Variants in TMEM132D observed in about 807,000 individuals in gnomAD.
TMEM132D encodes the protein mature OL transmembrane protein.
In TMEM132D, 21 loss-of-function variants were observed where a neutral mutation model predicts 62.3. That is an observed-to-expected ratio of 0.34 (90% CI 0.24 to 0.49). The LOEUF (loss-of-function observed/expected upper bound fraction) is 0.49, where lower values mean the gene tolerates loss of function less well. TMEM132D is among the 20% of genes least tolerant of loss of function. The pLI, the probability that TMEM132D is intolerant of heterozygous loss-of-function variation, is 0.99. For missense variants in TMEM132D, 1,346 were observed against 1,402.8 expected (o/e 0.96, Z 0.65); for synonymous variants, 621 against 575.6 (o/e 1.08, Z -1.13).
rs1296010697 is a variant in TMEM132D at position 129,531,136 on chromosome 12, C to T, written c.1038G>A (p.Lys346=). 5.0e-6 allele frequency: 8 copies of T among 1,614,024 alleles called. No individual in the cohort carries two copies. Among genetic ancestry groups the T allele is most frequent in the African/African-American group, 4.0e-5 (3 of 75,044 alleles). ...ACTTTCCAGTATAATCCGTGCGCTC[C>T]TTGACATCCCAAATGGAAGGGCTGC... ...RASSPSIWDV[K]ERTDYTGKYA... The change falls in exon 3 of 9, where the codon AAG becomes AAA. Residue 346 remains lysine, a synonymous_variant. Transcript: ENST00000422113.
intron 3 of TMEM132D, among the ~76,000 whole-genome samples, chr12:129,408,432 G>A (rs1379844203): frequency 2.1e-5 from 3 of 146,300 alleles, no homozygotes; most frequent in Non-Finnish European, 3.0e-5. Flanking sequence ...ATCACTTTTT[G>A]ATAGTAGCTT....
chr12:129,612,085 A>G (rs1278249713), intron 2 of TMEM132D, among the ~76,000 whole-genome samples: 2 of 152,182 alleles, frequency 1.3e-5, no homozygotes, highest in African/African-American at 4.8e-5. Flanking sequence ...CCAAGGACAG[A>G]AGAAGGAAGA....
At chr12:129,422,983 C>A (rs1872375017) in intron 3 of TMEM132D, among the ~76,000 whole-genome samples, 1 of 151,668 alleles carries the variant, frequency 6.6e-6, no homozygotes, top group Admixed American at 6.6e-5. Flanking sequence ...CACAGTGGAA[C>A]AACATGGCTG....
At chr12:129,085,286 T>C (rs1392973305) in intron 5 of TMEM132D, 1 of 153,170 alleles carries the variant, frequency 6.5e-6, no homozygotes, top group African/African-American at 2.4e-5. Context: ...CAACAGGGCA[T>C]GTGCAGACCA....
At chr12:129,835,448 G>A (rs370268634) in intron 1 of TMEM132D, among the ~76,000 whole-genome samples, 30 of 152,044 alleles carry the variant, frequency 2.0e-4, no homozygotes, top group African/African-American at 7.2e-4. Flanking sequence ...GCGCCACCAG[G>A]TCCGGCTAAT....
intron 3 of TMEM132D, among the ~76,000 whole-genome samples, chr12:129,385,677 T>C (rs1871089615): frequency 6.6e-6 from 1 of 152,206 alleles, no homozygotes; most frequent in African/African-American, 2.4e-5. Context: ...GGAGATAAGA[T>C]TAACTGCTAA....
intron 2 of TMEM132D, among the ~76,000 whole-genome samples, chr12:129,590,728 G>C (rs1310973887): frequency 6.6e-6 from 1 of 152,192 alleles, no homozygotes; most frequent in Non-Finnish European, 1.5e-5. Flanking sequence ...CAGGGCTTGG[G>C]CATCCTGTGT....
At chr12:129,538,386 A>AACCC (rs879264038) in intron 2 of TMEM132D, among the ~76,000 whole-genome samples, 3 of 152,172 alleles carry the variant, frequency 2.0e-5, no homozygotes, top group Non-Finnish European at 4.4e-5. Flanking sequence ...CTTTATTCAT[A>AACCC]TAGAGTATGA....
At chr12:129,189,807 T>C (rs1878331741) in intron 5 of TMEM132D, among the ~76,000 whole-genome samples, 1 of 152,124 alleles carries the variant, frequency 6.6e-6, no homozygotes. Context: ...GACGTCAGTG[T>C]CCTCATCCCT....
intron 3 of TMEM132D, among the ~76,000 whole-genome samples, chr12:129,376,542 T>A (rs1204022610): frequency 6.6e-6 from 1 of 152,006 alleles, no homozygotes; most frequent in Non-Finnish European, 1.5e-5. Flanking sequence ...AAGATGAGAT[T>A]TGGGTGGGGA....
chr12:129,433,695 G>A (rs556159023), intron 3 of TMEM132D, among the ~76,000 whole-genome samples: 25 of 152,268 alleles, frequency 1.6e-4, no homozygotes, highest in African/African-American at 6.0e-4. Flanking sequence ...GAAGCAGAGA[G>A]AAGACCCTGG....
intron 4 of TMEM132D, among the ~76,000 whole-genome samples, chr12:129,285,156 G>A (rs1881254640): frequency 6.6e-6 from 1 of 152,142 alleles, no homozygotes; most frequent in African/African-American, 2.4e-5. Flanking sequence ...CCTTTGTGTA[G>A]GAAGGACAGG....
intron 1 of TMEM132D, among the ~76,000 whole-genome samples, chr12:129,728,525 T>C (rs1315227039): frequency 3.3e-5 from 5 of 152,202 alleles, no homozygotes; most frequent in African/African-American, 4.8e-5. Flanking sequence ...CTGGGGAATA[T>C]GAACAAAAAA....
intron 3 of TMEM132D, among the ~76,000 whole-genome samples, chr12:129,468,978 T>G (rs1874009647): frequency 6.6e-6 from 1 of 152,180 alleles, no homozygotes; most frequent in Non-Finnish European, 1.5e-5. Flanking sequence ...ACAGGTGGAG[T>G]GACAGACACT....
At chr12:129,595,518 C>CA (rs1395940545) in intron 2 of TMEM132D, among the ~76,000 whole-genome samples, 2 of 152,196 alleles carry the variant, frequency 1.3e-5, no homozygotes, top group South Asian at 2.1e-4. Context: ...CAATTCCTCC[C>CA]AAAAAAGGGG....
At chr12:129,309,218 T>A (rs1881913835) in intron 4 of TMEM132D, among the ~76,000 whole-genome samples, 2 of 151,998 alleles carry the variant, frequency 1.3e-5, no homozygotes, top group South Asian at 4.1e-4. Flanking sequence ...CTGTATTATA[T>A]TAATATATTC....
intron 1 of TMEM132D, among the ~76,000 whole-genome samples, chr12:129,738,299 ACT>A (rs1225475544): frequency 6.6e-6 from 1 of 151,972 alleles, no homozygotes; most frequent in East Asian, 1.9e-4. Flanking sequence ...CATAGAGTGG[ACT>A]CTGTTGCAGG....
chr12:129,617,316 C>T (rs1375451494), intron 2 of TMEM132D, among the ~76,000 whole-genome samples: 1 of 152,214 alleles, frequency 6.6e-6, no homozygotes, highest in Non-Finnish European at 1.5e-5. Context: ...GGTTGAGTGA[C>T]AGACATTCCC....
rs370127269 is a variant in TMEM132D at position 129,726,518 on chromosome 12, A to G, written c.80-25820T>C. On this transcript the variant is annotated intron_variant, in intron 1 of 8. Coordinates refer to ENST00000422113, the MANE Select transcript of TMEM132D (RefSeq NM_133448.3). ...GAAGAGGGGAGATGGGGTCAGAGAC[A>G]TGGTCATGGGCCAGATCACAAAGGG... 5.3e-5 allele frequency among the ~76,000 whole-genome samples: 8 copies of G among 152,266 alleles called. No homozygotes were observed. In the South Asian group the frequency reaches 1.5e-3, roughly 28 times the overall value.
Sources: gnomAD v4.1 joint callset for allele counts (sites outside exome capture counted in the v4.1 genomes callset) on GRCh38, gnomAD v4.1.1 for gene constraint, MANE v1.5 for transcripts, NCBI Gene and HGNC (gene_info 2026-07-23, HGNC 2026-07-21) for gene names.